ANO1: variants seen among roughly 807,000 people sequenced by gnomAD.
The protein encoded by ANO1 is anoctamin-1.
Under a neutral mutation model 124.0 loss-of-function variants are expected in ANO1, and 59 were observed. The observed-to-expected ratio is 0.48, with a 90% CI of 0.39 to 0.59. ANO1 has a LOEUF of 0.59. ANO1 is among the 20% of genes least tolerant of loss of function. The probability of loss-of-function intolerance (pLI) is 0.00; values close to 1 mark genes in which losing one functional copy is unlikely to be tolerated. For synonymous variants in ANO1, 529 were observed against 532.0 expected (o/e 0.99, Z 0.08); for missense variants, 1,059 against 1,328.0 (o/e 0.80, Z 3.15).
intron 1 of ANO1, among the ~76,000 whole-genome samples, chr11:70,045,217 T>G (rs1555005448): frequency 1.3e-5 from 2 of 152,224 alleles, no homozygotes; most frequent in Admixed American, 6.5e-5. Context: ...TGGCAATTTT[T>G]CTATATGTTT....
intron 1 of ANO1, among the ~76,000 whole-genome samples, chr11:70,046,043 T>C (rs1362086391): frequency 6.6e-6 from 1 of 152,058 alleles, no homozygotes. Flanking sequence ...TGTCCTTGAG[T>C]CTGGCCATGA....
chr11:70,174,643 A>T (rs1368440806), intron 22 of ANO1, among the ~76,000 whole-genome samples: 1 of 152,112 alleles, frequency 6.6e-6, no homozygotes, highest in African/African-American at 2.4e-5. Flanking sequence ...GCCTGGGTGA[A>T]TCCTCCCTCA....
At chr11:69,979,899 A>G in the ANO1 span, among the ~76,000 whole-genome samples, 8 of 152,130 alleles carry the variant, frequency 5.3e-5, no homozygotes, top group Non-Finnish European at 8.8e-5. Flanking sequence ...TCATGCCTCC[A>G]TAGCACACCC....
rs2046041243 is a variant in ANO1, at chr11:70,117,635, G to T, written c.897+1136G>T. 2.6e-5 allele frequency among the ~76,000 whole-genome samples: 4 copies of T among 152,110 alleles called. No individual in the cohort carries two copies. The South Asian group carries it at 8.3e-4, about 32-fold the overall frequency. On this transcript the variant is annotated intron_variant, in intron 8 of 25. Transcript: ENST00000355303. ...AGCCTCTGTTCCCCAAATGTGCCCA[G>T]CTTTCCCTCTCGGGAAGCAGTCCTT...
chr11:70,163,924 C>G (rs1307272911), intron 19 of ANO1, among the ~76,000 whole-genome samples: 1 of 139,972 alleles, frequency 7.1e-6, no homozygotes, highest in Non-Finnish European at 1.5e-5. Context: ...GGTGACAGAG[C>G]AAGGAACCAT....
In ANO1 at chr11:70,108,373, A is replaced by G. The variant is rs1456170090; in HGVS notation, c.768A>G (p.Arg256=). ...AATAGGTCTATGAGATCTTGAAGAG[A>G]ACGACGTGTACAAAGGCCAAGTACA... ...RSTIVYEILK[R]TTCTKAKYSM... is the part of the protein sequence containing the mutation. The change falls in exon 6 of 26, where the codon AGA becomes AGG. Residue 256 remains arginine (R), a synonymous_variant. Coordinates refer to ENST00000355303, the MANE Select transcript of ANO1 (RefSeq NM_018043.7). 1 of 1,612,562 alleles carries G rather than the reference A, an allele frequency of 6.2e-7. No homozygotes were observed. The highest frequency in any genetic ancestry group is 8.5e-7 in the Non-Finnish European group (1 of 1,178,866).
At chr11:70,163,211 C>A in intron 18 of ANO1, 72 bp from the exon 19 acceptor site, 2 of 1,533,746 alleles carry the variant, frequency 1.3e-6, no homozygotes, top group South Asian at 2.5e-5. Context: ...TGCACAGTCC[C>A]CACTTGGGGG....
chr11:69,990,818 G>T (rs1856139256), intron 1 of ANO1, among the ~76,000 whole-genome samples: 1 of 152,106 alleles, frequency 6.6e-6, no homozygotes, highest in Non-Finnish European at 1.5e-5. Flanking sequence ...TGAGTTGTTT[G>T]TCTTTTTGGT....
Position 70,101,087 on chromosome 11 carries a change from A to G in ANO1, c.442-1979A>G, listed in dbSNP as rs956832716. On this transcript the variant is annotated intron_variant, in intron 2 of 25. Coordinates refer to ENST00000355303, the MANE Select transcript of ANO1 (RefSeq NM_018043.7). ...TTGCCATTTGCTTTTCTATCGGATC[A>G]GGAAGAAGCATGGGATGAAGCTGGG... 2.0e-5 allele frequency among the ~76,000 whole-genome samples: 3 copies of G among 152,112 alleles called. No individual in the cohort carries two copies. The South Asian group carries it at 6.2e-4, about 32-fold the overall frequency.
chr11:70,008,426 G>A (rs7111208), intron 1 of ANO1, among the ~76,000 whole-genome samples: 6,584 of 152,218 alleles, frequency 0.043, 471 homozygotes, highest in African/African-American at 0.15. Context: ...TGTATATGGC[G>A]TAAGGTAAGG....
chr11:70,102,361 C>T (rs1357489459), intron 2 of ANO1, among the ~76,000 whole-genome samples: 6 of 152,170 alleles, frequency 3.9e-5, no homozygotes, highest in South Asian at 2.1e-4. Context: ...GCCGCATCCT[C>T]GCCAGCCAGC....
chr11:70,070,663 G>A (rs1184645875), intron 1 of ANO1, among the ~76,000 whole-genome samples: 1 of 152,230 alleles, frequency 6.6e-6, no homozygotes, highest in Non-Finnish European at 1.5e-5. Context: ...GCGACAGAGT[G>A]AAACTCCAAG....
chr11:70,013,852 A>G (rs1299164352), intron 1 of ANO1, among the ~76,000 whole-genome samples: 5 of 132,910 alleles, frequency 3.8e-5, no homozygotes, highest in African/African-American at 1.3e-4. Context: ...AGGCTTCAAC[A>G]GCATGAATGT....
chr11:70,125,989 G>T, intron 9 of ANO1, 72 bp from the exon 10 acceptor site: 1 of 1,507,310 alleles, frequency 6.6e-7, no homozygotes, highest in Non-Finnish European at 8.9e-7. Flanking sequence ...TTGCTGGGGA[G>T]GGCCTGTGAC....
chr11:70,093,810 T>C (rs893643206), intron 2 of ANO1, among the ~76,000 whole-genome samples: 1 of 152,222 alleles, frequency 6.6e-6, no homozygotes, highest in Non-Finnish European at 1.5e-5. Flanking sequence ...GAAGGGCTGC[T>C]TTCAGACAAA....
chr11:70,127,145 T>A (rs2046554273), intron 10 of ANO1, among the ~76,000 whole-genome samples: 1 of 147,158 alleles, frequency 6.8e-6, no homozygotes. Flanking sequence ...ACGTGAACGC[T>A]AGAGGCTTCG....
chr11:70,021,660 C>T lies in ANO1; in HGVS notation c.58+35494C>T, dbSNP rs191412578. Among the ~76,000 whole-genome samples, 149 of 152,204 alleles carry T rather than the reference C, an allele frequency of 9.8e-4. 1 individual carries two copies. The highest frequency in any genetic ancestry group is 2.8e-3 in the African/African-American group (116 of 41,546). On this transcript the variant is annotated intron_variant, in intron 1 of 27. Transcript: ENST00000531349. ...CTCTCTTCCTCGGTTTTTCCCATGT[C>T]GATCGTCTGAGAAATTCCAGCGGTG...
chr11:69,987,133 T>G (rs1476224489), intron 1 of ANO1, among the ~76,000 whole-genome samples: 1 of 151,998 alleles, frequency 6.6e-6, no homozygotes, highest in Non-Finnish European at 1.5e-5. Context: ...CACTGTATAC[T>G]CATCAAATTA....
chr11:70,106,415 G>A (rs925581162), intron 5 of ANO1, among the ~76,000 whole-genome samples: 3 of 152,214 alleles, frequency 2.0e-5, no homozygotes, highest in African/African-American at 7.2e-5. Context: ...TCTATTCCCT[G>A]CCCAGAAAGC....
Sources: gnomAD v4.1 joint callset for allele counts (sites outside exome capture counted in the v4.1 genomes callset) on GRCh38, gnomAD v4.1.1 for gene constraint, MANE v1.5 for transcripts, NCBI Gene and HGNC (gene_info 2026-07-23, HGNC 2026-07-21) for gene names.